The following AGO2 variants were observed in gnomAD, a reference collection of about 807,000 sequenced individuals.
AGO2 encodes the protein protein argonaute-2.
AGO2 carries 5 observed loss-of-function variants against 102.3 expected under a neutral mutation model. That is an observed-to-expected ratio of 0.05 (90% CI 0.03 to 0.10). The LOEUF is 0.10. Ranked by LOEUF, AGO2 falls within the 10% of genes least tolerant of loss-of-function variation. AGO2 has a pLI of 1.00. For missense variants in AGO2, 541 were observed against 1,183.7 expected, an observed-to-expected ratio of 0.46 and a Z score of 7.97; for synonymous variants, 449 against 473.1, an observed-to-expected ratio of 0.95 and a Z score of 0.66.
intron 3 of AGO2, among the ~76,000 whole-genome samples, chr8:140,569,429 A>G (rs930913791): frequency 6.6e-6 from 1 of 152,184 alleles, no homozygotes; most frequent in Non-Finnish European, 1.5e-5. Context: ...TCCACCACCC[A>G]AATCCCTTCC....
At position 140,560,530 on chromosome 8, in the gene AGO2, C is replaced by T. The variant is rs561237660; in HGVS notation, c.519-20G>A. 3.7e-6 allele frequency: 6 copies of T among 1,601,354 alleles called. No homozygotes were observed. The Admixed American group carries it at 6.7e-5, about 18-fold the overall frequency. On this transcript the variant is annotated intron_variant, in intron 4 of 18. Coordinates refer to ENST00000220592, the MANE Select transcript of AGO2 (RefSeq NM_012154.5). ...GTGTACCTGGAACCAAGAGACCCCA[C>T]CCCGCCTCCCGTCAGATGTGTCTTC...
intron 13 of AGO2, among the ~76,000 whole-genome samples, chr8:140,546,617 C>T (rs2072905730): frequency 6.6e-6 from 1 of 152,240 alleles, no homozygotes; most frequent in Non-Finnish European, 1.5e-5. Flanking sequence ...CTTAGGATGG[C>T]TTTATCAGCT....
chr8:140,578,218 ACGGGGGGTCC>A (rs1564097086), intron 2 of AGO2, among the ~76,000 whole-genome samples: 1 of 152,118 alleles, frequency 6.6e-6, no homozygotes, highest in Non-Finnish European at 1.5e-5. Flanking sequence ...TAATTCTAAC[ACGGGGGGTCC>A]CTTCCCTCCT....
At chr8:140,533,467 T>C (rs1337647753) in intron 17 of AGO2, among the ~76,000 whole-genome samples, 2 of 151,668 alleles carry the variant, frequency 1.3e-5, no homozygotes, top group African/African-American at 4.8e-5. Flanking sequence ...GTATCTTACA[T>C]TTTATATAAT....
intron 2 of AGO2, among the ~76,000 whole-genome samples, chr8:140,574,541 G>A (rs1019109090): frequency 2.6e-5 from 4 of 152,088 alleles, no homozygotes; most frequent in East Asian, 1.9e-4. Context: ...TGGGAGTACC[G>A]GCATGAGTCA....
chr8:140,612,266 T>G (rs1245152811), intron 1 of AGO2, among the ~76,000 whole-genome samples: 1 of 143,154 alleles, frequency 7.0e-6, no homozygotes, highest in African/African-American at 2.6e-5. Flanking sequence ...AAAAGACTTC[T>G]GGTTAGTTCA....
chr8:140,546,583 A>C (rs1329983030), intron 13 of AGO2, among the ~76,000 whole-genome samples: 2 of 152,254 alleles, frequency 1.3e-5, no homozygotes, highest in African/African-American at 2.4e-5. Context: ...CGTGCCAGTG[A>C]TGCAGATTTA....
At chr8:140,597,920 A>C (rs2073872180) in intron 1 of AGO2, among the ~76,000 whole-genome samples, 2 of 152,216 alleles carry the variant, frequency 1.3e-5, no homozygotes, top group African/African-American at 4.8e-5. Flanking sequence ...GAGGACCAAG[A>C]GATGACCCTG....
In AGO2 at chr8:140,551,447, CA is replaced by C; in HGVS notation, c.1270-12del. ...CGCAATAGCTTTATTCTGCAAATGG[CA>C]AAAGGTTCAGGGTGAGAAAAAAATG... On this transcript the variant is annotated splice_polypyrimidine_tract_variant and intron_variant, in intron 10 of 18. Transcript: ENST00000220592. 3 of 1,546,390 alleles carry C rather than the reference CA, an allele frequency of 1.9e-6. No homozygotes were observed. The highest frequency in any genetic ancestry group is 1.9e-5 in the Admixed American group (1 of 53,426).
Position 140,526,623 on chromosome 8 carries a change from G to GA in AGO2, c.*5420dup, listed in dbSNP as rs2072511402. 1 of 152,146 alleles carries GA rather than the reference G, an allele frequency of 6.6e-6. No homozygotes were observed. The highest frequency in any genetic ancestry group is 1.5e-5 in the Non-Finnish European group (1 of 68,038). The allele number at this position is 152,146 out of a possible 1,614,324, so 9.4% of individuals were successfully genotyped here. A position where few individuals can be genotyped will look rare whatever the true frequency, so the allele number is the denominator to read the frequency against. ...AGCTACACTTAAGAGCAAACATGAT[G>GA]AATCTATTGAGAATTCAGAGGTAGC... On this transcript the variant is annotated 3_prime_UTR_variant, in exon 19 of 19. Transcript: ENST00000220592. The surrounding 1 kb of genome is among the most constrained non-coding windows in gnomAD (Gnocchi z 5.2).
chr8:140,642,012 A>T, the AGO2 span, among the ~76,000 whole-genome samples: 1 of 152,144 alleles, frequency 6.6e-6, no homozygotes, highest in African/African-American at 2.4e-5. Context: ...ACTGTACGTC[A>T]GCCTGGTCAA....
At position 140,607,511 on chromosome 8, in the gene AGO2, T is replaced by C. The variant is rs1441242215; in HGVS notation, c.23-22200A>G. Among the ~76,000 whole-genome samples, 16 of 8,812 alleles carry C rather than the reference T, an allele frequency of 1.8e-3. 1 individual carries two copies. The highest frequency in any genetic ancestry group is 4.2e-3 in the African/African-American group (13 of 3,112). 5.8% of individuals were successfully genotyped at this position (8,812 alleles called of 152,430 possible). ...ATATATATATATATATATATATATATATATACACACACACACACGTATGGA... is the reference window on the plus strand; with the variant it reads ...ATATATATATATATATATATATATACATATACACACACACACACGTATGGA... On this transcript the variant is annotated intron_variant, in intron 1 of 18. Transcript: ENST00000220592.
intron 1 of AGO2, among the ~76,000 whole-genome samples, chr8:140,590,366 C>T (rs1235976026): frequency 6.6e-6 from 1 of 152,226 alleles, no homozygotes; most frequent in Non-Finnish European, 1.5e-5. Context: ...TTGGGGGTCC[C>T]AGGTCCCTGG....
intron 11 of AGO2, among the ~76,000 whole-genome samples, chr8:140,549,538 A>C (rs181923498): frequency 6.6e-6 from 1 of 152,398 alleles, no homozygotes; most frequent in Admixed American, 6.5e-5. Flanking sequence ...TGCACTCAAA[A>C]GTCACATGCG....
chr8:140,576,414 A>G (rs1332425815), intron 2 of AGO2, among the ~76,000 whole-genome samples: 1 of 152,228 alleles, frequency 6.6e-6, no homozygotes, highest in Non-Finnish European at 1.5e-5. Flanking sequence ...TGTATGCATA[A>G]TGTATTTAGG....
rs1477949288 is a variant in AGO2 at position 140,567,880 on chromosome 8, C to T, written c.336+4932G>A. ...GGGCTCACGCCTGTAATCCCAGTAC[C>T]GTGGGAGGCCGAGGCGGGCTGGATC... On this transcript the variant is annotated intron_variant, in intron 3 of 18. Coordinates refer to ENST00000220592, the MANE Select transcript of AGO2 (RefSeq NM_012154.5). The surrounding 1 kb of genome is among the most constrained non-coding windows in gnomAD (Gnocchi z 5.0). Among the ~76,000 whole-genome samples, 1 of 152,078 alleles carries T rather than the reference C, an allele frequency of 6.6e-6. No homozygotes were observed. The highest frequency in any genetic ancestry group is 1.5e-5 in the Non-Finnish European group (1 of 68,002).
chr8:140,560,642 G>T, intron 4 of AGO2, 132 bp from the exon 5 acceptor site: 1 of 1,107,616 alleles, frequency 9.0e-7, no homozygotes, highest in Non-Finnish European at 1.3e-6. Flanking sequence ...TTAAATCCAC[G>T]TTTACCACAC....
chr8:140,595,940 T>C (rs1298995636), intron 1 of AGO2, among the ~76,000 whole-genome samples: 14 of 53,074 alleles, frequency 2.6e-4, no homozygotes, highest in African/African-American at 7.9e-4. Context: ...AATTATATAA[T>C]ATATATTTTA....
chr8:140,560,779 C>T lies in AGO2; in HGVS notation c.519-269G>A, dbSNP rs555451218. Among the ~76,000 whole-genome samples, 338 of 152,342 alleles carry T rather than the reference C, an allele frequency of 2.2e-3. 2 individuals are homozygous for T. Among genetic ancestry groups the T allele is most frequent in the African/African-American group, 7.6e-3 (318 of 41,584 alleles). ...GACACCGCACAGGTGGATCACAAGC[C>T]CCCAGGACCTGGCGTGTTTCTGGTC... On this transcript the variant is annotated intron_variant, in intron 4 of 18. Transcript: ENST00000220592.
Sources: allele counts gnomAD v4.1 joint callset (sites outside exome capture counted in the v4.1 genomes callset), GRCh38; gene constraint gnomAD v4.1.1; non-coding constraint Gnocchi (gnomAD v3.1); transcripts MANE v1.5; gene names NCBI Gene and HGNC (gene_info 2026-07-23, HGNC 2026-07-21).